Variants in LONP2 observed in about 807,000 individuals in gnomAD.
LONP2 encodes the protein lon protease homolog 2, peroxisomal.
In LONP2, 60 loss-of-function variants were observed where a neutral mutation model predicts 85.6. That is an observed-to-expected ratio of 0.70 (90% confidence interval 0.57 to 0.87). The LOEUF (loss-of-function observed/expected upper bound fraction) is 0.87, where lower values mean the gene tolerates loss of function less well. Among genes scored for constraint, LONP2 ranks in the 40% least tolerant of loss-of-function variants. LONP2 has a pLI of 0.00. For missense variants in LONP2, 860 were observed against 1,063.5 expected (o/e 0.81, Z 2.66); for synonymous variants, 395 against 389.7 (o/e 1.01, Z -0.16).
chr16:48,256,574 A>C, intron 2 of LONP2, 36 bp from the exon 3 acceptor site: 1 of 1,604,056 alleles, frequency 6.2e-7, no homozygotes, highest in Non-Finnish European at 8.5e-7. Context: ...AAATAATGCC[A>C]GATTTCATTT....
Position 48,261,549 on chromosome 16 carries a change from A to C in LONP2, c.849A>C (p.Pro283=). The C allele has an allele frequency of 6.2e-7, 1 of 1,602,236 alleles. No homozygotes were observed. Among genetic ancestry groups the C allele is most frequent in the African/African-American group, 1.4e-5 (1 of 72,898 alleles). ...LEKKIRTSSM[P]EQAHKVCVKE... ...AAAAAATACGAACATCTAGTATGCC[A>C]GAGCAGGCCCATAAAGTCTGTGTCA... Residue 283 remains proline (P), a synonymous_variant, in exon 5 of 15, where the codon CCA becomes CCC. Transcript: ENST00000285737.
rs186484477 is a variant in LONP2 at position 48,311,666 on chromosome 16, G to A, written c.1795+8361G>A. Among the ~76,000 whole-genome samples the A allele has an allele frequency of 2.8e-3, 420 of 151,938 alleles. 1 individual carries two copies. Among genetic ancestry groups the A allele is most frequent in the Non-Finnish European group, 3.3e-3 (225 of 67,980 alleles). On this transcript the variant is annotated intron_variant, in intron 11 of 14. Transcript: ENST00000285737. ...TAATTTTATTTTGAAACAGGGTCTC[G>A]CTCTGTTGCCTTGTCTGGAGTGCAG...
rs1567367131 is a variant in LONP2, at chr16:48,362,489, AAAT to A, written c.*630_*632del. 2.6e-6 allele frequency: 4 copies of A among 1,560,802 alleles called. No individual in the cohort carries two copies. Among genetic ancestry groups the A allele is most frequent in the Non-Finnish European group, 3.5e-6 (4 of 1,138,936 alleles). On this transcript the variant is annotated 3_prime_UTR_variant, in exon 5 of 5. Transcript: ENST00000565867. This position sits in a 1 kb window ranked among gnomAD's most constrained non-coding sequence, Gnocchi z 4.2. The stretch of plus-strand genomic sequence containing the variant: ...TAATTATAACCATGACTTACTTTAT[AAAT>A]AATGTTTACATGCCATAAGTCCTTT...
At position 48,251,891 on chromosome 16, in the gene LONP2, C is replaced by T. The variant is rs557199100; in HGVS notation, c.234-240C>T. On this transcript the variant is annotated intron_variant, in intron 1 of 14. Coordinates refer to ENST00000285737, the MANE Select transcript of LONP2 (RefSeq NM_031490.5). ...TGAATAATCCAAGTGTTTACAAATT[C>T]CTACCTAATTTTTTAAAAGAGGTGC... 7.8e-4 allele frequency among the ~76,000 whole-genome samples: 118 copies of T among 152,232 alleles called. 1 individual carries two copies. In the South Asian group the frequency reaches 0.019, roughly 24 times the overall value.
chr16:48,348,116 T>A lies in LONP2; in HGVS notation c.2163T>A (p.Asp721Glu). The change falls in exon 14 of 15, where the codon GAT (aspartate) becomes GAA (glutamate). Residue 721 changes from aspartate to glutamate, a missense_variant. Asp to Glu is a conservative substitution (Grantham distance 45, BLOSUM62 2). Transcript: ENST00000285737. ...YQLTNAFGSF[D>E]LLDNTDIHLH... Reference sequence around the variant, plus strand: ...TTTTTAAAGCTTTTGGAAGTTTTGATCTTCTTGACAACACAGACATCCATC... The same window carrying A: ...TTTTTAAAGCTTTTGGAAGTTTTGAACTTCTTGACAACACAGACATCCATC... 1 of 1,601,626 alleles carries A rather than the reference T, an allele frequency of 6.2e-7. No homozygotes were observed. Among genetic ancestry groups the A allele is most frequent in the Non-Finnish European group, 8.5e-7 (1 of 1,177,214 alleles).
At chr16:48,299,994 A>G (rs755529738) in intron 10 of LONP2, among the ~76,000 whole-genome samples, 3 of 137,900 alleles carry the variant, frequency 2.2e-5, no homozygotes, top group Non-Finnish European at 4.9e-5. Flanking sequence ...TATCATAACT[A>G]TTGATTTACA....
chr16:48,357,017 G>A lies in LONP2; in HGVS notation c.*5215G>A, dbSNP rs1391856109. On this transcript the variant is annotated 3_prime_UTR_variant, in exon 15 of 15. Coordinates refer to ENST00000285737, the MANE Select transcript of LONP2 (RefSeq NM_031490.5). ...AGAAAATTACATCTATGATAATAAA[G>A]TGTATTTCTTTGTCAAGTTTCTAGA... 6.5e-6 allele frequency: 1 copy of A among 153,264 alleles called. No homozygotes were observed. Among genetic ancestry groups the A allele is most frequent in the African/African-American group, 2.4e-5 (1 of 41,480 alleles). The allele number at this position is 153,264 out of a possible 1,614,324, so 9.5% of individuals were successfully genotyped here.
intron 6 of LONP2, among the ~76,000 whole-genome samples, chr16:48,264,695 T>G (rs1971953472): frequency 6.6e-6 from 1 of 152,220 alleles, no homozygotes; most frequent in Non-Finnish European, 1.5e-5. Flanking sequence ...AAGTGATAAG[T>G]GTCCATGAAA....
chr16:48,317,978 T>C (rs1973180495), intron 11 of LONP2, among the ~76,000 whole-genome samples: 1 of 152,140 alleles, frequency 6.6e-6, no homozygotes, highest in East Asian at 1.9e-4. Context: ...ATCAACCTAA[T>C]GTAGTGGAAG....
intron 9 of LONP2, among the ~76,000 whole-genome samples, chr16:48,297,820 C>G (rs536822474): frequency 2.1e-4 from 32 of 152,252 alleles, no homozygotes; most frequent in Middle Eastern, 3.4e-3. Context: ...TTGCCTCAGC[C>G]TCACAAGTAG....
chr16:48,298,751 T>A (rs1016016746), intron 9 of LONP2, among the ~76,000 whole-genome samples: 1 of 151,998 alleles, frequency 6.6e-6, no homozygotes, highest in Non-Finnish European at 1.5e-5. Flanking sequence ...GATAAAGAGA[T>A]AATTGTCTCT....
intron 4 of LONP2, among the ~76,000 whole-genome samples, chr16:48,260,157 ATATTT>A (rs1971844563): frequency 6.6e-6 from 1 of 152,212 alleles, no homozygotes. Context: ...TTTATTTATA[ATATTT>A]TATCTGCTGA....
chr16:48,304,980 C>T (rs1253513127), intron 11 of LONP2, among the ~76,000 whole-genome samples: 1 of 152,164 alleles, frequency 6.6e-6, no homozygotes, highest in African/African-American at 2.4e-5. Flanking sequence ...AAATGTCTTT[C>T]TTGTTTTTCC....
chr16:48,303,171 G>T lies in LONP2; in HGVS notation c.1662-1G>T. On this transcript the variant is annotated splice_acceptor_variant, in intron 10 of 14. Coordinates refer to ENST00000285737, the MANE Select transcript of LONP2 (RefSeq NM_031490.5). LOFTEE classifies it high-confidence loss of function. Reference sequence around the variant, plus strand: ...AATAAAATATTTTTGTTTGATGACAGGTATACCAGAGAGGCAGGGGTTCGT... The same window carrying T: ...AATAAAATATTTTTGTTTGATGACATGTATACCAGAGAGGCAGGGGTTCGT... The T allele has an allele frequency of 6.2e-7, 1 of 1,613,990 alleles. No homozygotes were observed. Among genetic ancestry groups the T allele is most frequent in the Non-Finnish European group, 8.5e-7 (1 of 1,179,916 alleles).
intron 8 of LONP2, among the ~76,000 whole-genome samples, chr16:48,278,080 C>T (rs1972252282): frequency 6.6e-6 from 1 of 151,796 alleles, no homozygotes; most frequent in Non-Finnish European, 1.5e-5. Context: ...TTAGTATTTA[C>T]ATTATTATGA....
chr16:48,335,567 A>G (rs1184874114), intron 12 of LONP2, among the ~76,000 whole-genome samples: 2 of 152,244 alleles, frequency 1.3e-5, no homozygotes, highest in African/African-American at 4.8e-5. Flanking sequence ...ATTTAGCTTT[A>G]TCATCACCTC....
intron 11 of LONP2, among the ~76,000 whole-genome samples, chr16:48,327,677 C>T (rs893411487): frequency 2.0e-5 from 3 of 152,108 alleles, no homozygotes; most frequent in Non-Finnish European, 2.9e-5. Context: ...AGGCTGGTCT[C>T]GAACTCCTCA....
At chr16:48,282,432 AAG>A (rs1972351164) in intron 8 of LONP2, among the ~76,000 whole-genome samples, 2 of 151,740 alleles carry the variant, frequency 1.3e-5, no homozygotes, top group Non-Finnish European at 2.9e-5. Flanking sequence ...AAAAAAAAGA[AAG>A]AAAGTGTTTA....
intron 8 of LONP2, among the ~76,000 whole-genome samples, chr16:48,288,312 C>T (rs892179751): frequency 4.6e-5 from 7 of 151,942 alleles, no homozygotes. Context: ...TGCCACCACG[C>T]CTGACTAATT....
Sources: allele counts gnomAD v4.1 joint callset (sites outside exome capture counted in the v4.1 genomes callset), GRCh38; gene constraint gnomAD v4.1.1; non-coding constraint Gnocchi (gnomAD v3.1); transcripts MANE v1.5; gene names NCBI Gene and HGNC (gene_info 2026-07-23, HGNC 2026-07-21).